SV2C: variants seen among roughly 807,000 people sequenced by gnomAD.
SV2C encodes the protein solute carrier family 22 member B3.
In SV2C, 49 loss-of-function variants were observed where a neutral mutation model predicts 79.7. The observed-to-expected ratio is 0.61, with a 90% CI of 0.49 to 0.78. The LOEUF (loss-of-function observed/expected upper bound fraction) is 0.78, where lower values mean the gene tolerates loss of function less well. SV2C is among the 30% of genes least tolerant of loss of function. The pLI, the probability that SV2C is intolerant of heterozygous loss-of-function variation, is 0.00. For missense variants in SV2C, 833 were observed against 912.9 expected, an observed-to-expected ratio of 0.91 and a Z score of 1.13; for synonymous variants, 334 against 333.2, an observed-to-expected ratio of 1.00 and a Z score of -0.03.
intron 3 of SV2C, among the ~76,000 whole-genome samples, chr5:76,198,834 G>A (rs1325923498): frequency 6.6e-6 from 1 of 151,922 alleles, no homozygotes; most frequent in Admixed American, 6.5e-5. Flanking sequence ...AAAAAACATT[G>A]TAACACCTAC....
intron 2 of SV2C, among the ~76,000 whole-genome samples, chr5:76,142,679 A>G (rs1028709683): frequency 1.3e-5 from 2 of 152,176 alleles, no homozygotes; most frequent in Non-Finnish European, 2.9e-5. Flanking sequence ...TTTAGTTGGC[A>G]TGTTTTCCCC....
intron 2 of SV2C, among the ~76,000 whole-genome samples, chr5:76,142,318 A>T (rs1043544368): frequency 7.2e-5 from 11 of 152,174 alleles, no homozygotes; most frequent in Admixed American, 2.6e-4. Context: ...CCAATTAAAA[A>T]TTTTTTTACT....
At chr5:76,271,301 A>G (rs1362639734) in intron 4 of SV2C, among the ~76,000 whole-genome samples, 1 of 152,164 alleles carries the variant, frequency 6.6e-6, no homozygotes, top group East Asian at 1.9e-4. Flanking sequence ...AGGAATATAG[A>G]TGTGTCTTGA....
intron 12 of SV2C, among the ~76,000 whole-genome samples, chr5:76,322,308 A>G (rs532558987): frequency 6.6e-6 from 1 of 152,350 alleles, no homozygotes; most frequent in East Asian, 1.9e-4. Context: ...ACAGTAAAAT[A>G]CCTGGAAATA....
At chr5:75,950,936 T>C in the SV2C span, among the ~76,000 whole-genome samples, 1 of 152,056 alleles carries the variant, frequency 6.6e-6, no homozygotes, top group Non-Finnish European at 1.5e-5. Context: ...GTCAAATGAA[T>C]GATTCCAATT....
chr5:76,293,744 G>A (rs1345681247), intron 8 of SV2C, among the ~76,000 whole-genome samples: 1 of 152,154 alleles, frequency 6.6e-6, no homozygotes, highest in Non-Finnish European at 1.5e-5. Flanking sequence ...TGATAAAAAC[G>A]ACTCATACTG....
intron 2 of SV2C, among the ~76,000 whole-genome samples, chr5:76,163,800 A>G (rs1461216389): frequency 1.3e-5 from 2 of 152,204 alleles, no homozygotes; most frequent in Non-Finnish European, 2.9e-5. Flanking sequence ...TGAACCTGAT[A>G]CTTTCCCCCA....
the SV2C span, among the ~76,000 whole-genome samples, chr5:75,949,618 A>T: frequency 6.6e-6 from 1 of 151,964 alleles, no homozygotes; most frequent in South Asian, 2.1e-4. Flanking sequence ...GTCTCACCAG[A>T]TCTGATGATT....
chr5:76,035,805 G>A, the SV2C span, among the ~76,000 whole-genome samples: 3 of 151,898 alleles, frequency 2.0e-5, no homozygotes, highest in South Asian at 2.1e-4. Flanking sequence ...TATCCTTGTT[G>A]ACTTTCTGTC....
At chr5:76,025,179 T>G in the SV2C span, among the ~76,000 whole-genome samples, 4 of 151,870 alleles carry the variant, frequency 2.6e-5, no homozygotes, top group South Asian at 2.1e-4. Flanking sequence ...GCACGTTTTT[T>G]TTTTTTTTTT....
the SV2C span, among the ~76,000 whole-genome samples, chr5:76,037,812 C>G: frequency 6.6e-6 from 1 of 152,244 alleles, no homozygotes; most frequent in African/African-American, 2.4e-5. Flanking sequence ...CCTAAGCAAG[C>G]CTGGGCAATG....
chr5:76,040,077 A>G, the SV2C span, among the ~76,000 whole-genome samples: 2 of 152,242 alleles, frequency 1.3e-5, no homozygotes, highest in Non-Finnish European at 2.9e-5. Context: ...TAAGTTATAT[A>G]TATCTCCTTG....
chr5:75,983,863 T>C, the SV2C span, among the ~76,000 whole-genome samples: 7 of 152,140 alleles, frequency 4.6e-5, no homozygotes, highest in Non-Finnish European at 1.0e-4. Context: ...GCACTTGTCC[T>C]TTCTGCTCTC....
intron 2 of SV2C, among the ~76,000 whole-genome samples, chr5:76,136,232 A>G (rs1302454923): frequency 2.0e-5 from 3 of 152,232 alleles, no homozygotes; most frequent in Non-Finnish European, 4.4e-5. Context: ...GCAAATATCA[A>G]CTGCTACCCC....
intron 4 of SV2C, among the ~76,000 whole-genome samples, chr5:76,265,885 C>T (rs1489384313): frequency 6.6e-6 from 1 of 152,140 alleles, no homozygotes; most frequent in Admixed American, 6.5e-5. Flanking sequence ...GTGTTGATCA[C>T]GCTGGGAGCT....
At chr5:75,972,712 C>G in the SV2C span, among the ~76,000 whole-genome samples, 8 of 152,182 alleles carry the variant, frequency 5.3e-5, no homozygotes, top group South Asian at 2.1e-4. Flanking sequence ...AACAGGAACA[C>G]TTTTACACTC....
At chr5:76,323,257 A>C (rs1418058869) in intron 12 of SV2C, among the ~76,000 whole-genome samples, 1 of 152,256 alleles carries the variant, frequency 6.6e-6, no homozygotes, top group African/African-American at 2.4e-5. Flanking sequence ...AAAAGAAGAC[A>C]TTTACATGGC....
At chr5:75,899,437 T>G in the SV2C span, among the ~76,000 whole-genome samples, 1 of 152,226 alleles carries the variant, frequency 6.6e-6, no homozygotes, top group Non-Finnish European at 1.5e-5. Context: ...TGAGAGATAG[T>G]TTGTTATAAT....
At chr5:76,278,167 A>C (rs1211960417) in intron 4 of SV2C, among the ~76,000 whole-genome samples, 3 of 150,596 alleles carry the variant, frequency 2.0e-5, no homozygotes, top group Non-Finnish European at 4.4e-5. Flanking sequence ...GCTCATGTAC[A>C]CATTGTGTGT....
Sources: allele counts gnomAD v4.1 joint callset (sites outside exome capture counted in the v4.1 genomes callset), GRCh38; gene constraint gnomAD v4.1.1; transcripts MANE v1.5; gene names NCBI Gene and HGNC (gene_info 2026-07-23, HGNC 2026-07-21).